The following LPAR1 variants were observed in gnomAD, a reference collection of about 807,000 sequenced individuals.
LPAR1 encodes lysophosphatidic acid receptor 1, also known as LPA receptor 1.
A neutral mutation model predicts 23.8 loss-of-function variants in LPAR1; 5 were observed. The ratio of observed to expected loss-of-function variants is 0.21; its 90% confidence interval spans 0.11 to 0.44. LPAR1 has a LOEUF of 0.44. LPAR1 is among the 20% of genes least tolerant of loss of function. The probability of loss-of-function intolerance (pLI) is 0.99; values close to 1 mark genes in which losing one functional copy is unlikely to be tolerated. For missense variants in LPAR1, 311 were observed against 482.8 expected, an observed-to-expected ratio of 0.64 and a Z score of 3.33; for synonymous variants, 160 against 164.7, an observed-to-expected ratio of 0.97 and a Z score of 0.22.
intron 2 of LPAR1, among the ~76,000 whole-genome samples, chr9:110,974,171 T>C (rs1371464012): frequency 2.1e-5 from 3 of 145,972 alleles, no homozygotes; most frequent in Non-Finnish European, 4.6e-5. Flanking sequence ...AAAAAAAAAG[T>C]AAGGCTAAGC....
chr9:110,914,406 C>T (rs996766615), intron 5 of LPAR1, among the ~76,000 whole-genome samples: 1 of 152,136 alleles, frequency 6.6e-6, no homozygotes, highest in Non-Finnish European at 1.5e-5. Flanking sequence ...AAAGGGGTTT[C>T]CCCCTGTAAA....
At chr9:111,008,214 C>CA (rs2097259025) in intron 2 of LPAR1, among the ~76,000 whole-genome samples, 1 of 151,870 alleles carries the variant, frequency 6.6e-6, no homozygotes, top group African/African-American at 2.4e-5. Context: ...ATTTGAAGGA[C>CA]AAAATATGTC....
intron 5 of LPAR1, among the ~76,000 whole-genome samples, chr9:110,926,696 G>GTT (rs35733619): frequency 5.3e-5 from 8 of 151,630 alleles, no homozygotes; most frequent in South Asian, 2.1e-4. Context: ...GTGGTTTTGT[G>GTT]TTTTTTTTCC....
chr9:110,880,508 C>A (rs1322631842), intron 5 of LPAR1, among the ~76,000 whole-genome samples: 1 of 152,160 alleles, frequency 6.6e-6, no homozygotes, highest in Non-Finnish European at 1.5e-5. Flanking sequence ...ACAGTCCTTG[C>A]CAGAGAAGAC....
chr9:110,952,468 C>T (rs550879038), intron 4 of LPAR1, among the ~76,000 whole-genome samples: 100 of 152,262 alleles, frequency 6.6e-4, no homozygotes, highest in Non-Finnish European at 1.1e-3. Context: ...ACTGCATCTA[C>T]CCAAGGGGCC....
intron 2 of LPAR1, among the ~76,000 whole-genome samples, chr9:111,035,657 C>T (rs1267772798): frequency 6.6e-6 from 1 of 152,198 alleles, no homozygotes; most frequent in African/African-American, 2.4e-5. Context: ...TATTACATCA[C>T]AGTTCAGCTT....
intron 2 of LPAR1, among the ~76,000 whole-genome samples, chr9:111,000,472 C>A (rs563361580): frequency 1.7e-4 from 26 of 152,268 alleles, no homozygotes; most frequent in Non-Finnish European, 3.2e-4. Context: ...GAGGTAGTCA[C>A]CAGGATCACC....
intron 5 of LPAR1, among the ~76,000 whole-genome samples, chr9:110,930,847 A>G (rs555483275): frequency 2.0e-4 from 31 of 152,184 alleles, no homozygotes; most frequent in Non-Finnish European, 3.5e-4. Flanking sequence ...CCCGGGAGGC[A>G]GATGTTGCGG....
intron 2 of LPAR1, among the ~76,000 whole-genome samples, chr9:110,998,326 T>C (rs1040253717): frequency 3.3e-5 from 5 of 152,204 alleles, no homozygotes; most frequent in African/African-American, 7.2e-5. Flanking sequence ...AAGGCAAATT[T>C]GGAATTTTAT....
At chr9:110,924,793 A>C (rs1314650672) in intron 5 of LPAR1, among the ~76,000 whole-genome samples, 2 of 152,212 alleles carry the variant, frequency 1.3e-5, no homozygotes, top group East Asian at 3.9e-4. Context: ...CATACATAAA[A>C]TTCATTTACA....
At chr9:110,998,837 C>T (rs749829440) in intron 2 of LPAR1, among the ~76,000 whole-genome samples, 49 of 152,192 alleles carry the variant, frequency 3.2e-4, no homozygotes, top group Non-Finnish European at 5.3e-4. Context: ...ATAGCTCTAC[C>T]GGAAAGGCAA....
At chr9:110,945,641 C>T (rs1430413073) in intron 4 of LPAR1, among the ~76,000 whole-genome samples, 1 of 152,172 alleles carries the variant, frequency 6.6e-6, no homozygotes, top group African/African-American at 2.4e-5. Context: ...TATTCTCTTA[C>T]AGTCCTAGAG....
At chr9:110,881,134 T>C (rs2080684646) in intron 5 of LPAR1, among the ~76,000 whole-genome samples, 1 of 152,192 alleles carries the variant, frequency 6.6e-6, no homozygotes, top group Non-Finnish European at 1.5e-5. Flanking sequence ...ACCTGAGGTA[T>C]CTCCACAGTA....
chr9:110,962,260 G>A lies in LPAR1; in HGVS notation c.45+9813C>T, dbSNP rs118179613. Among the ~76,000 whole-genome samples the A allele has an allele frequency of 7.5e-3, 1,143 of 152,266 alleles. 3 individuals carry two copies. Among genetic ancestry groups the A allele is most frequent in the African/African-American group, 0.012 (483 of 41,546 alleles). ...CTACACAATCCAGCATGTCAGAGGT[G>A]AGCCCTGCACTATGACCTGTGCCAT... On this transcript the variant is annotated intron_variant, in intron 4 of 5. Coordinates refer to ENST00000683809, the MANE Select transcript of LPAR1 (RefSeq NM_001351411.2).
intron 2 of LPAR1, among the ~76,000 whole-genome samples, chr9:111,026,162 T>C (rs982809959): frequency 3.9e-5 from 6 of 152,222 alleles, no homozygotes; most frequent in Admixed American, 3.3e-4. Context: ...ATCCATAACA[T>C]GGAATATTTT....
At chr9:110,985,915 G>A (rs1050118607) in intron 2 of LPAR1, among the ~76,000 whole-genome samples, 1 of 151,998 alleles carries the variant, frequency 6.6e-6, no homozygotes, top group African/African-American at 2.4e-5. Flanking sequence ...TTCTGAGTTG[G>A]AGAAAATTGA....
chr9:111,023,748 G>A (rs1741762311), intron 2 of LPAR1, among the ~76,000 whole-genome samples: 1 of 152,132 alleles, frequency 6.6e-6, no homozygotes, highest in African/African-American at 2.4e-5. Flanking sequence ...TTTTCAAAAT[G>A]TATGAGTTAT....
rs927325964 is a variant in LPAR1, at chr9:110,939,350, A to G, written c.793+2071T>C. On this transcript the variant is annotated intron_variant, in intron 5 of 5. Transcript: ENST00000683809. Reference sequence around the variant, plus strand: ...ACGGTCCATTTAATTTCTGTTTCCTATATTACAATCTTATTCCCATCTTTC... The same window carrying G: ...ACGGTCCATTTAATTTCTGTTTCCTGTATTACAATCTTATTCCCATCTTTC... Among the ~76,000 whole-genome samples the G allele has an allele frequency of 3.3e-5, 5 of 152,270 alleles. No homozygotes were observed. In the East Asian group the frequency reaches 9.6e-4, roughly 29 times the overall value.
intron 2 of LPAR1, among the ~76,000 whole-genome samples, chr9:111,004,114 T>C (rs2097174336): frequency 6.6e-6 from 1 of 152,174 alleles, no homozygotes; most frequent in South Asian, 2.1e-4. Context: ...CTCATAAACA[T>C]TTGTGAAATG....
Sources: allele counts gnomAD v4.1 joint callset (sites outside exome capture counted in the v4.1 genomes callset), GRCh38; gene constraint gnomAD v4.1.1; transcripts MANE v1.5; gene names NCBI Gene and HGNC (gene_info 2026-07-23, HGNC 2026-07-21).